Variants in CDC42BPB observed in about 807,000 individuals in gnomAD.
CDC42BPB encodes serine/threonine-protein kinase MRCK beta.
In CDC42BPB, 37 loss-of-function variants were observed where a neutral mutation model predicts 214.9. The observed-to-expected ratio is 0.17, with a 90% CI of 0.13 to 0.23. The LOEUF (loss-of-function observed/expected upper bound fraction) is 0.23. Ranked by LOEUF, CDC42BPB falls within the 10% of genes least tolerant of loss-of-function variation. The pLI, the probability that CDC42BPB is intolerant of heterozygous loss-of-function variation, is 1.00. For synonymous variants in CDC42BPB, 931 were observed against 884.0 expected (o/e 1.05, Z -0.94); for missense variants, 1,694 against 2,227.0 (o/e 0.76, Z 4.82).
chr14:103,046,445 G>A (rs945223107), intron 1 of CDC42BPB, among the ~76,000 whole-genome samples: 2 of 152,026 alleles, frequency 1.3e-5, no homozygotes, highest in Admixed American at 6.6e-5. Flanking sequence ...CCAGAGTTTC[G>A]GAGAGAAGCC....
rs1392046653 is a variant in CDC42BPB, at chr14:102,952,487, A to C, written c.3172+11T>G. On this transcript the variant is annotated intron_variant, in intron 24 of 36. Coordinates refer to ENST00000361246, the MANE Select transcript of CDC42BPB (RefSeq NM_006035.4). ...GTGCACGCTGACCCCAGGAGCTGCA[A>C]CGACACTCACCCTCGCAGGCGTAGC... 1.3e-6 allele frequency: 2 copies of C among 1,586,954 alleles called. No homozygotes were observed.
chr14:103,010,405 G>A (rs17590354), intron 2 of CDC42BPB, among the ~76,000 whole-genome samples: 47 of 152,328 alleles, frequency 3.1e-4, no homozygotes, highest in South Asian at 2.1e-3. Context: ...ACGATGGGAC[G>A]AGCCTTGCAG....
chr14:103,012,711 A>G (rs1245003461), intron 1 of CDC42BPB, among the ~76,000 whole-genome samples: 2 of 152,070 alleles, frequency 1.3e-5, no homozygotes, highest in African/African-American at 2.4e-5. Flanking sequence ...AGGCTGACAC[A>G]AGAGAATCGT....
chr14:102,968,913 G>C, intron 14 of CDC42BPB, 197 bp from the exon 15 acceptor site: 1 of 985,312 alleles, frequency 1.0e-6, no homozygotes, highest in Non-Finnish European at 1.2e-6. Flanking sequence ...CGGCCTTGCA[G>C]GGGGATGTGC....
At chr14:103,051,260 GC>G (rs949973367) in intron 1 of CDC42BPB, among the ~76,000 whole-genome samples, 4 of 151,844 alleles carry the variant, frequency 2.6e-5, no homozygotes, top group African/African-American at 9.7e-5. Flanking sequence ...AGCAAGAGAG[GC>G]TTTCTGTGAG....
intron 9 of CDC42BPB, 85 bp from the exon 10 acceptor site, chr14:102,976,134 TA>T: frequency 6.5e-7 from 1 of 1,548,262 alleles, no homozygotes; most frequent in Non-Finnish European, 8.7e-7. Context: ...AGGTGAAAGA[TA>T]GTCTTTTTAA....
chr14:102,954,068 G>A (rs770178285), intron 23 of CDC42BPB, 130 bp downstream of exon 23: 60 of 690,018 alleles, frequency 8.7e-5, no homozygotes, highest in Admixed American at 1.4e-4. Flanking sequence ...GAACATGAGG[G>A]TCGCTACTGT....
rs781307670 is a variant in CDC42BPB, at chr14:102,964,632, G to A, written c.2596C>T (p.Arg866Cys). The change falls in exon 19 of 37, where the codon CGC (arginine) becomes TGC (cysteine). Residue 866 changes from arginine to cysteine, a missense_variant. Around this residue, in one of 7 missense-constraint regions of CDC42BPB, gnomAD observed 55 missense variants for 95.5 expected, o/e 0.58. Coordinates refer to ENST00000361246, the MANE Select transcript of CDC42BPB (RefSeq NM_006035.4). ...SRTLDPLWKVRRSQKLDMSAR... is the reference protein window; with the variant it reads ...SRTLDPLWKVCRSQKLDMSAR... ...GACATGTCCAGCTTCTGGCTGCGGC[G>A]CACCTTCCACAGCGGGTCCTTGAGA... is the stretch of plus-strand genomic sequence containing the variant. 1 of 1,612,840 alleles carries A rather than the reference G, an allele frequency of 6.2e-7. No homozygotes were observed. The highest frequency in any genetic ancestry group is 8.5e-7 in the Non-Finnish European group (1 of 1,179,344).
chr14:102,964,780 T>C (rs1046413548), intron 18 of CDC42BPB, 130 bp from the exon 19 acceptor site: 2 of 1,331,052 alleles, frequency 1.5e-6, no homozygotes, highest in African/African-American at 1.5e-5. Flanking sequence ...CTCTAAATTA[T>C]GGAGGTGCCT....
intron 9 of CDC42BPB, chr14:102,976,324 T>C (rs35220828): frequency 3.8e-6 from 2 of 521,468 alleles, no homozygotes; most frequent in African/African-American, 2.1e-5. Context: ...TAACTATAAA[T>C]GCAAAACCAG....
At chr14:102,968,990 C>A (rs1893349663) in intron 14 of CDC42BPB, 1 of 694,348 alleles carries the variant, frequency 1.4e-6, no homozygotes, top group African/African-American at 1.9e-5. Context: ...CAGCATTCTT[C>A]TGAGGGCTGA....
rs531431137 is a variant in CDC42BPB, at chr14:102,989,220, T to C, written c.597-2640A>G. Among the ~76,000 whole-genome samples the C allele has an allele frequency of 2.0e-4, 31 of 152,154 alleles. No homozygotes were observed. The South Asian group carries it at 6.2e-3, about 31-fold the overall frequency. On this transcript the variant is annotated intron_variant, in intron 5 of 36. Transcript: ENST00000361246. Reference sequence around the variant, plus strand: ...ACAATTGTGTACCACCTGTCACCCATCAGAGGGCAAAAATACAAAAGTCTG... The same window carrying C: ...ACAATTGTGTACCACCTGTCACCCACCAGAGGGCAAAAATACAAAAGTCTG...
chr14:102,944,322 T>C lies in CDC42BPB; in HGVS notation c.3977A>G (p.Lys1326Arg), dbSNP rs764593988. The C allele has an allele frequency of 1.2e-6, 2 of 1,613,082 alleles. No individual in the cohort carries two copies. Among genetic ancestry groups the C allele is most frequent in the Non-Finnish European group, 1.7e-6 (2 of 1,179,996 alleles). The part of the protein sequence containing the change: ...GSFDIKLPET[K>R]GCQLMATATL... ...GGCCGTGGCCATGAGCTGGCAGCCT[T>C]TGGTTTCCGGAAGCTTGATGTCAAA... Residue 1326 changes from lysine to arginine, a missense_variant, in exon 30 of 37, where the codon AAA becomes AGA. Physicochemically the swap from Lys to Arg is conservative, Grantham distance 26. Transcript: ENST00000361246. This position sits in a 1 kb window ranked among gnomAD's most constrained non-coding sequence, Gnocchi z 6.6.
intron 1 of CDC42BPB, among the ~76,000 whole-genome samples, chr14:103,039,280 T>A (rs1887845773): frequency 7.1e-6 from 1 of 141,340 alleles, no homozygotes; most frequent in African/African-American, 2.8e-5. Flanking sequence ...CAGTATTATC[T>A]TGATACCAAA....
intron 8 of CDC42BPB, 183 bp from the exon 9 acceptor site, chr14:102,978,388 T>C: frequency 1.0e-6 from 1 of 972,704 alleles, no homozygotes; most frequent in Non-Finnish European, 1.2e-6. Context: ...TTCTCAAGCC[T>C]GGCCCTGTAC....
At chr14:102,942,474 G>A (rs1027629534) in intron 30 of CDC42BPB, among the ~76,000 whole-genome samples, 10 of 152,154 alleles carry the variant, frequency 6.6e-5, no homozygotes, top group South Asian at 2.1e-4. Context: ...TCTTCCTCCC[G>A]GCCTCCTCTT....
chr14:103,048,532 C>CAAAAAAAAAAA (rs71119751), intron 1 of CDC42BPB, among the ~76,000 whole-genome samples: 30 of 42,650 alleles, frequency 7.0e-4, no homozygotes, highest in African/African-American at 9.2e-4. Flanking sequence ...ACTAAAAATA[C>CAAAAAAAAAAA]AAAAAAAAAA....
intron 3 of CDC42BPB, among the ~76,000 whole-genome samples, chr14:103,007,858 G>T (rs958600992): frequency 1.3e-5 from 2 of 152,222 alleles, no homozygotes; most frequent in Non-Finnish European, 2.9e-5. Context: ...GAAGACAACA[G>T]GGCGGGTGAG....
At chr14:103,019,844 G>A (rs1046762499) in intron 1 of CDC42BPB, among the ~76,000 whole-genome samples, 2 of 152,154 alleles carry the variant, frequency 1.3e-5, no homozygotes, top group Admixed American at 6.5e-5. Flanking sequence ...TGTAACCACC[G>A]ACAAATATGA....
Sources: allele counts gnomAD v4.1 joint callset (sites outside exome capture counted in the v4.1 genomes callset), GRCh38; gene constraint gnomAD v4.1.1; regional missense constraint gnomAD v4.1.1; non-coding constraint Gnocchi (gnomAD v3.1); transcripts MANE v1.5; gene names NCBI Gene and HGNC (gene_info 2026-07-23, HGNC 2026-07-21).